The following SLC4A8 variants were observed in gnomAD, a reference collection of about 807,000 sequenced individuals.
SLC4A8 encodes the protein solute carrier family 4 member 8.
A neutral mutation model predicts 125.0 loss-of-function variants in SLC4A8; 40 were observed. The ratio of observed to expected loss-of-function variants is 0.32; its 90% CI spans 0.25 to 0.42. SLC4A8 has a LOEUF of 0.42. Ranked by LOEUF, SLC4A8 falls within the 10% of genes least tolerant of loss-of-function variation. The pLI, the probability that SLC4A8 is intolerant of heterozygous loss-of-function variation, is 1.00. For missense variants in SLC4A8, 863 were observed against 1,355.1 expected, an observed-to-expected ratio of 0.64 and a Z score of 5.70; for synonymous variants, 456 against 476.0, an observed-to-expected ratio of 0.96 and a Z score of 0.55.
intron 1 of SLC4A8, among the ~76,000 whole-genome samples, chr12:51,393,221 TCTC>T (rs1292946713): frequency 6.6e-5 from 10 of 152,218 alleles, no homozygotes; most frequent in African/African-American, 1.9e-4. Context: ...CTCAAGCTGT[TCTC>T]CTGCTTCAGC....
intron 1 of SLC4A8, among the ~76,000 whole-genome samples, chr12:51,429,638 A>G (rs1271864368): frequency 6.6e-6 from 1 of 151,948 alleles, no homozygotes; most frequent in African/African-American, 2.4e-5. Flanking sequence ...TAGTAGCTGG[A>G]ACTACAGACA....
intron 24 of SLC4A8, among the ~76,000 whole-genome samples, chr12:51,506,439 CTTTTTTTG>C (rs762238416): frequency 7.0e-6 from 1 of 141,878 alleles, no homozygotes; most frequent in Non-Finnish European, 1.6e-5. Flanking sequence ...TCCTTTTTTT[CTTTTTTTG>C]TTTTTTTGAG....
intron 1 of SLC4A8, among the ~76,000 whole-genome samples, chr12:51,434,530 A>G (rs796206659): frequency 5.3e-5 from 8 of 152,364 alleles, no homozygotes; most frequent in African/African-American, 1.9e-4. Flanking sequence ...AAGAAAATGG[A>G]TGAACAATTA....
intron 24 of SLC4A8, among the ~76,000 whole-genome samples, 198 bp downstream of exon 24, chr12:51,506,128 T>G (rs1938158598): frequency 6.6e-6 from 1 of 152,246 alleles, no homozygotes; most frequent in African/African-American, 2.4e-5. Context: ...TCAGGGTGTT[T>G]TAAGCAGCCC....
At chr12:51,500,985 CA>C in intron 22 of SLC4A8, among the ~76,000 whole-genome samples, 1 of 152,024 alleles carries the variant, frequency 6.6e-6, no homozygotes, top group South Asian at 2.1e-4. Flanking sequence ...CCCATTAACT[CA>C]TCATTTAGCA....
At chr12:51,493,127 G>C (rs918078225) in intron 19 of SLC4A8, among the ~76,000 whole-genome samples, 1 of 152,108 alleles carries the variant, frequency 6.6e-6, no homozygotes, top group Non-Finnish European at 1.5e-5. Context: ...AGATTACCTA[G>C]GTTGATAGAC....
rs570923027 is a variant in SLC4A8 at position 51,452,371 on chromosome 12, A to G, written c.413+112A>G. 2.5e-5 allele frequency: 30 copies of G among 1,209,874 alleles called. No individual in the cohort carries two copies. In the African/African-American group the frequency reaches 3.3e-4, roughly 13 times the overall value. 74.9% of individuals were successfully genotyped at this position (1,209,874 alleles called of 1,614,324 possible). A position where few individuals can be genotyped will look rare whatever the true frequency, so the allele number is the denominator to read the frequency against. On this transcript the variant is annotated intron_variant, in intron 4 of 24. Transcript: ENST00000453097. ...TTCTTCTTGGGAGAAGCTGTGACTG[A>G]CATGGGGACTGACATTCCAGTGTCT...
chr12:51,488,031 T>C (rs1479432235), intron 17 of SLC4A8, among the ~76,000 whole-genome samples: 1 of 152,210 alleles, frequency 6.6e-6, no homozygotes, highest in African/African-American at 2.4e-5. Flanking sequence ...GAGATACACT[T>C]GTTTTCTCTC....
chr12:51,497,060 A>AT lies in SLC4A8; in HGVS notation c.3018dup (p.Leu1007SerfsTer4). ...AAGCGAGAGCTGAGCTGGCTAGATG[A>AT]TCTCATGCCTGAAAGCAAAAAGAAG... On this transcript the variant is annotated frameshift_variant, in exon 22 of 25. Transcript: ENST00000453097. LOFTEE classifies it high-confidence loss of function. 2 of 1,613,920 alleles carry AT rather than the reference A, an allele frequency of 1.2e-6. No individual in the cohort carries two copies. The highest frequency in any genetic ancestry group is 1.7e-6 in the Non-Finnish European group (2 of 1,179,978).
intron 17 of SLC4A8, among the ~76,000 whole-genome samples, chr12:51,487,183 A>G (rs886311813): frequency 3.3e-5 from 5 of 152,324 alleles, no homozygotes; most frequent in Admixed American, 6.5e-5. Context: ...AATGTTGCTC[A>G]TGACAGGCTC....
intron 16 of SLC4A8, among the ~76,000 whole-genome samples, chr12:51,481,417 A>G (rs966236166): frequency 6.6e-6 from 1 of 152,222 alleles, no homozygotes; most frequent in Admixed American, 6.5e-5. Flanking sequence ...TGTAACGTTT[A>G]TAGAATATTT....
At chr12:51,448,126 A>G (rs1949841469) in intron 2 of SLC4A8, among the ~76,000 whole-genome samples, 1 of 152,160 alleles carries the variant, frequency 6.6e-6, no homozygotes, top group Admixed American at 6.5e-5. Flanking sequence ...AGAAAAGATT[A>G]AAAAGGAGAT....
intron 11 of SLC4A8, among the ~76,000 whole-genome samples, chr12:51,464,062 C>T (rs1950437277): frequency 6.6e-6 from 1 of 152,132 alleles, no homozygotes. Context: ...TTCTAGGACT[C>T]TCTCTGGATG....
intron 19 of SLC4A8, among the ~76,000 whole-genome samples, chr12:51,492,789 G>A (rs1381979054): frequency 1.3e-5 from 2 of 152,030 alleles, no homozygotes; most frequent in African/African-American, 4.8e-5. Context: ...GATCATCTAG[G>A]TTTTAAGCCC....
chr12:51,431,355 T>A (rs1397040897), intron 1 of SLC4A8, among the ~76,000 whole-genome samples: 3 of 152,224 alleles, frequency 2.0e-5, no homozygotes, highest in Admixed American at 2.0e-4. Flanking sequence ...GGGAACATAT[T>A]CACAAACTCT....
At chr12:51,458,705 TC>T in intron 7 of SLC4A8, 55 bp downstream of exon 7, 1 of 1,224,032 alleles carries the variant, frequency 8.2e-7, no homozygotes, top group Non-Finnish European at 1.2e-6. Context: ...TTTAGTGGAA[TC>T]CAGAGTTTAA....
At chr12:51,436,881 G>T (rs1472141794) in intron 1 of SLC4A8, among the ~76,000 whole-genome samples, 1 of 151,972 alleles carries the variant, frequency 6.6e-6, no homozygotes, top group African/African-American at 2.4e-5. Context: ...CCTGCCTTGG[G>T]CTCCCAAAGT....
intron 22 of SLC4A8, among the ~76,000 whole-genome samples, chr12:51,503,199 T>G (rs887678405): frequency 6.6e-6 from 1 of 151,178 alleles, no homozygotes; most frequent in Non-Finnish European, 1.5e-5. Context: ...TTTTACCTTA[T>G]GGATTATTAT....
At chr12:51,398,713 G>A (rs1948314460) in intron 1 of SLC4A8, among the ~76,000 whole-genome samples, 1 of 152,096 alleles carries the variant, frequency 6.6e-6, no homozygotes, top group Non-Finnish European at 1.5e-5. Context: ...AGCAAAACCT[G>A]TTATCTTCCC....
Sources: allele counts gnomAD v4.1 joint callset (sites outside exome capture counted in the v4.1 genomes callset), GRCh38; gene constraint gnomAD v4.1.1; transcripts MANE v1.5; gene names NCBI Gene and HGNC (gene_info 2026-07-23, HGNC 2026-07-21).